Variants in VAPB observed in about 807,000 individuals in gnomAD.
VAPB encodes the protein vesicle-associated membrane protein-associated protein B/C.
Under a neutral mutation model 25.6 loss-of-function variants are expected in VAPB, and 7 were observed. The observed-to-expected ratio is 0.27, with a 90% CI of 0.16 to 0.51. VAPB has a LOEUF of 0.51. Ranked by LOEUF, VAPB falls within the 20% of genes least tolerant of loss-of-function variation. The pLI is 0.97. For synonymous variants in VAPB, 112 were observed against 109.2 expected (o/e 1.03, Z -0.16); for missense variants, 266 against 301.3 (o/e 0.88, Z 0.87).
chr20:58,407,193 AAGT>A (rs1270775062), intron 1 of VAPB, among the ~76,000 whole-genome samples: 1 of 152,216 alleles, frequency 6.6e-6, no homozygotes. Flanking sequence ...TATTAAAGGA[AAGT>A]AGTGACAGTA....
intron 2 of VAPB, among the ~76,000 whole-genome samples, chr20:58,425,214 C>T (rs540626985): frequency 1.3e-5 from 2 of 152,268 alleles, no homozygotes; most frequent in South Asian, 4.1e-4. Flanking sequence ...CAGTCTTTCT[C>T]TATGCAGGCT....
chr20:58,447,816 C>T lies in VAPB; in HGVS notation c.*3581C>T, dbSNP rs771648658. 1 of 453,928 alleles carries T rather than the reference C, an allele frequency of 2.2e-6. No individual in the cohort carries two copies. The highest frequency in any genetic ancestry group is 4.4e-6 in the Non-Finnish European group (1 of 226,782). The allele number at this position is 453,928 out of a possible 1,614,324, so 28.1% of individuals were successfully genotyped here. A position where few individuals can be genotyped will look rare whatever the true frequency, so the allele number is the denominator to read the frequency against. ...ACAATGTTATATGTCATTTTCAGCT[C>T]CTTCTCTAAAGGAATGGCCCATTTC... On this transcript the variant is annotated 3_prime_UTR_variant, in exon 6 of 6. Transcript: ENST00000475243.
At chr20:58,406,029 G>C (rs1326871949) in intron 1 of VAPB, among the ~76,000 whole-genome samples, 1 of 152,112 alleles carries the variant, frequency 6.6e-6, no homozygotes, top group Non-Finnish European at 1.5e-5. Context: ...TAAGCAGTTG[G>C]GTGAGTGGTG....
intron 5 of VAPB, 67 bp from the exon 6 acceptor site, chr20:58,444,010 A>G: frequency 6.2e-7 from 1 of 1,610,428 alleles, no homozygotes; most frequent in Non-Finnish European, 8.5e-7. Flanking sequence ...CATCCCGTTA[A>G]GCTGTACAGT....
At chr20:58,392,683 T>G (rs1987836220) in intron 1 of VAPB, among the ~76,000 whole-genome samples, 1 of 152,224 alleles carries the variant, frequency 6.6e-6, no homozygotes, top group Non-Finnish European at 1.5e-5. Context: ...CTAACTTTAC[T>G]TGAGAAGGTA....
intron 1 of VAPB, among the ~76,000 whole-genome samples, chr20:58,408,844 G>T (rs1988300462): frequency 6.6e-6 from 1 of 150,810 alleles, no homozygotes; most frequent in African/African-American, 2.4e-5. Flanking sequence ...TACTATGTTT[G>T]TGGCACTGTT....
intron 2 of VAPB, among the ~76,000 whole-genome samples, chr20:58,432,822 G>T (rs1002538782): frequency 1.3e-5 from 2 of 152,228 alleles, no homozygotes; most frequent in Admixed American, 1.3e-4. Context: ...AAATGTTCCA[G>T]GTCTGTCTGT....
At chr20:58,418,114 T>A in intron 1 of VAPB, 97 bp from the exon 2 acceptor site, 1 of 1,543,020 alleles carries the variant, frequency 6.5e-7, no homozygotes, top group Non-Finnish European at 8.9e-7. Context: ...ATCGTGGATC[T>A]CAAATCTTCC....
intron 1 of VAPB, among the ~76,000 whole-genome samples, chr20:58,409,784 G>A (rs1988327251): frequency 6.6e-6 from 1 of 152,008 alleles, no homozygotes; most frequent in South Asian, 2.1e-4. Flanking sequence ...TCAAAGTATT[G>A]TAGCTACATC....
chr20:58,391,538 T>G (rs1987797862), intron 1 of VAPB, among the ~76,000 whole-genome samples: 1 of 142,082 alleles, frequency 7.0e-6, no homozygotes, highest in Non-Finnish European at 1.5e-5. Flanking sequence ...CCACTAGTAG[T>G]TTTTTTTTTT....
rs969037712 is a variant in VAPB at position 58,450,739 on chromosome 20, G to A, written c.*6504G>A. 8.4e-5 allele frequency: 38 copies of A among 453,686 alleles called. No individual in the cohort carries two copies. The highest frequency in any genetic ancestry group is 1.5e-4 in the Non-Finnish European group (34 of 226,668). The allele number at this position is 453,686 out of a possible 1,614,324, so 28.1% of individuals were successfully genotyped here. On this transcript the variant is annotated 3_prime_UTR_variant, in exon 6 of 6. Transcript: ENST00000475243. ...AATGTATGTTAACATGTTAGGAACT[G>A]AGTATCTTAAGAGATGTCTTAGAAT... is the stretch of plus-strand genomic sequence containing the variant.
At chr20:58,439,563 GGT>G (rs1989117654) in intron 4 of VAPB, 1 of 155,628 alleles carries the variant, frequency 6.4e-6, no homozygotes, top group African/African-American at 2.4e-5. Flanking sequence ...TGTACTGTAG[GGT>G]GTTTTATTAA....
Position 58,446,102 on chromosome 20 carries a change from C to G in VAPB, c.*1867C>G. 1 of 454,056 alleles carries G rather than the reference C, an allele frequency of 2.2e-6. No individual in the cohort carries two copies. The highest frequency in any genetic ancestry group is 1.6e-5 in the South Asian group (1 of 64,466). 28.1% of individuals were successfully genotyped at this position (454,056 alleles called of 1,614,324 possible). A position where few individuals can be genotyped will look rare whatever the true frequency, so the allele number is the denominator to read the frequency against. On this transcript the variant is annotated 3_prime_UTR_variant, in exon 6 of 6. Transcript: ENST00000475243. ...GTTGACTTTGAATCCCAGGTACTCACAGAAATGGTGAACAGACTTAGTTGT... is the reference window on the plus strand; with the variant it reads ...GTTGACTTTGAATCCCAGGTACTCAGAGAAATGGTGAACAGACTTAGTTGT...
In VAPB at chr20:58,448,057, C is replaced by G. The variant is rs150825395; in HGVS notation, c.*3822C>G. 3.9e-4 allele frequency: 176 copies of G among 453,936 alleles called. No individual in the cohort carries two copies. The highest frequency in any genetic ancestry group is 3.0e-3 in the African/African-American group (149 of 50,044). 28.1% of individuals were successfully genotyped at this position (453,936 alleles called of 1,614,324 possible). A position where few individuals can be genotyped will look rare whatever the true frequency, so the allele number is the denominator to read the frequency against. Reference sequence around the variant, plus strand: ...AAGAAGGAGAAAGAACCAAACTGAACTATGAAAAGTTACCACTCTGAGGAG... The same window carrying G: ...AAGAAGGAGAAAGAACCAAACTGAAGTATGAAAAGTTACCACTCTGAGGAG... On this transcript the variant is annotated 3_prime_UTR_variant, in exon 6 of 6. Transcript: ENST00000475243.
chr20:58,446,830 A>G lies in VAPB; in HGVS notation c.*2595A>G. The G allele has an allele frequency of 2.2e-6, 1 of 454,132 alleles. No homozygotes were observed. Among genetic ancestry groups the G allele is most frequent in the South Asian group, 1.6e-5 (1 of 64,476 alleles). The allele number at this position is 454,132 out of a possible 1,614,324, so 28.1% of individuals were successfully genotyped here. A position where few individuals can be genotyped will look rare whatever the true frequency, so the allele number is the denominator to read the frequency against. The stretch of plus-strand genomic sequence containing the variant: ...AGCCAAAAATGTGCCAGGAAAAGAA[A>G]GAATGTGGAGCACGCGTGGCTCCTG... On this transcript the variant is annotated 3_prime_UTR_variant, in exon 6 of 6. Coordinates refer to ENST00000475243, the MANE Select transcript of VAPB (RefSeq NM_004738.5).
intron 1 of VAPB, among the ~76,000 whole-genome samples, chr20:58,393,356 C>G (rs569264071): frequency 6.6e-6 from 1 of 151,838 alleles, no homozygotes; most frequent in East Asian, 1.9e-4. Flanking sequence ...TTTTATATTT[C>G]TTTTTGTCTT....
At chr20:58,416,572 A>T (rs560870926) in intron 1 of VAPB, among the ~76,000 whole-genome samples, 2 of 152,054 alleles carry the variant, frequency 1.3e-5, no homozygotes, top group South Asian at 4.2e-4. Context: ...ACAAATACGA[A>T]AATTGTTTTA....
At chr20:58,431,712 G>A (rs893148862) in intron 2 of VAPB, among the ~76,000 whole-genome samples, 1 of 152,020 alleles carries the variant, frequency 6.6e-6, no homozygotes, top group African/African-American at 2.4e-5. Flanking sequence ...AAGTAGCTGG[G>A]ACTATAGGCT....
intron 2 of VAPB, among the ~76,000 whole-genome samples, chr20:58,424,538 G>A (rs1427554761): frequency 6.6e-6 from 1 of 152,128 alleles, no homozygotes; most frequent in African/African-American, 2.4e-5. Flanking sequence ...TATATAATGG[G>A]GGTTCATGTC....
Sources: gnomAD v4.1 joint callset for allele counts (sites outside exome capture counted in the v4.1 genomes callset) on GRCh38, gnomAD v4.1.1 for gene constraint, MANE v1.5 for transcripts, NCBI Gene and HGNC (gene_info 2026-07-23, HGNC 2026-07-21) for gene names.